The following NXPH1 variants were observed in gnomAD, a reference collection of about 807,000 sequenced individuals.
The protein encoded by NXPH1 is neurexophilin 1.
Under a neutral mutation model 23.7 loss-of-function variants are expected in NXPH1, and 5 were observed. That is an observed-to-expected ratio of 0.21 (90% CI 0.11 to 0.44). The LOEUF (loss-of-function observed/expected upper bound fraction) is 0.44, where lower values mean the gene tolerates loss of function less well. Among genes scored for constraint, NXPH1 ranks in the 20% least tolerant of loss-of-function variants. NXPH1 has a pLI of 0.99. For synonymous variants in NXPH1, 144 were observed against 122.2 expected (o/e 1.18, Z -1.18); for missense variants, 324 against 321.6 (o/e 1.01, Z -0.06).
At chr7:8,460,467 C>T (rs1260431196) in intron 2 of NXPH1, among the ~76,000 whole-genome samples, 1 of 152,162 alleles carries the variant, frequency 6.6e-6, no homozygotes, top group African/African-American at 2.4e-5. Context: ...GCCTTGATAG[C>T]AAACTTGACT....
At chr7:8,635,657 C>A (rs1820208345) in intron 2 of NXPH1, among the ~76,000 whole-genome samples, 1 of 152,180 alleles carries the variant, frequency 6.6e-6, no homozygotes. Context: ...GGTCTAAAAG[C>A]ATTTGAAATA....
In NXPH1 at chr7:8,435,987, T is replaced by C. The variant is rs1240168010; in HGVS notation, c.54+220T>C. Among the ~76,000 whole-genome samples the C allele has an allele frequency of 1.3e-5, 2 of 152,114 alleles. No individual in the cohort carries two copies. The highest frequency in any genetic ancestry group is 4.8e-5 in the African/African-American group (2 of 41,434). ...CAATCCCCCAGTCTCCTGCGCGTGA[T>C]TCTTGAAAGGGGCTAGGGCGCCCCA... On this transcript the variant is annotated intron_variant, in intron 2 of 2. Coordinates refer to ENST00000405863, the MANE Select transcript of NXPH1 (RefSeq NM_152745.3). This position sits in a 1 kb window ranked among gnomAD's most constrained non-coding sequence, Gnocchi z 5.9.
intron 2 of NXPH1, among the ~76,000 whole-genome samples, chr7:8,685,793 CG>C (rs952182280): frequency 2.1e-4 from 31 of 149,436 alleles, no homozygotes; most frequent in African/African-American, 7.7e-4. Context: ...GAGGGAATGG[CG>C]GGGGGAAGTG....
intron 2 of NXPH1, among the ~76,000 whole-genome samples, chr7:8,722,616 C>G (rs547850827): frequency 5.9e-5 from 9 of 152,312 alleles, no homozygotes; most frequent in African/African-American, 2.2e-4. Flanking sequence ...AAAATTAAAA[C>G]TTGCCAGCAA....
intron 2 of NXPH1, among the ~76,000 whole-genome samples, chr7:8,451,110 CTT>C (rs5882168): frequency 7.2e-6 from 1 of 139,458 alleles, no homozygotes; most frequent in Non-Finnish European, 1.6e-5. Context: ...AGGGATCTAG[CTT>C]TTTTTTTTTT....
At chr7:8,615,968 TA>T (rs990770627) in intron 2 of NXPH1, among the ~76,000 whole-genome samples, 1 of 152,108 alleles carries the variant, frequency 6.6e-6, no homozygotes, top group African/African-American at 2.4e-5. Context: ...TTTTTGCCGT[TA>T]TCTTCTTAAA....
intron 2 of NXPH1, among the ~76,000 whole-genome samples, chr7:8,554,760 A>T (rs993812348): frequency 6.6e-6 from 1 of 151,740 alleles, no homozygotes; most frequent in African/African-American, 2.4e-5. Context: ...CTTTGCTTGA[A>T]ATAATACAGC....
At chr7:8,615,019 TA>T (rs1313798652) in intron 2 of NXPH1, among the ~76,000 whole-genome samples, 1 of 152,086 alleles carries the variant, frequency 6.6e-6, no homozygotes, top group East Asian at 1.9e-4. Flanking sequence ...CTTCTACTGT[TA>T]GTTGGCTCTG....
At chr7:8,662,382 G>A (rs1186777847) in intron 2 of NXPH1, among the ~76,000 whole-genome samples, 2 of 141,458 alleles carry the variant, frequency 1.4e-5, no homozygotes, top group Non-Finnish European at 3.1e-5. Context: ...GTTCATAAAT[G>A]TCAGAACAGG....
chr7:8,493,420 C>G (rs1220122623), intron 2 of NXPH1, among the ~76,000 whole-genome samples: 1 of 152,002 alleles, frequency 6.6e-6, no homozygotes, highest in Non-Finnish European at 1.5e-5. Context: ...CTGCCTTATG[C>G]TTTGACTTTG....
At chr7:8,499,182 A>G (rs1033991599) in intron 2 of NXPH1, among the ~76,000 whole-genome samples, 5 of 152,036 alleles carry the variant, frequency 3.3e-5, no homozygotes, top group African/African-American at 1.2e-4. Context: ...GCAGGAAAGG[A>G]TGATCCTTAA....
At chr7:8,467,122 G>C (rs1816799245) in intron 2 of NXPH1, among the ~76,000 whole-genome samples, 1 of 152,118 alleles carries the variant, frequency 6.6e-6, no homozygotes, top group Non-Finnish European at 1.5e-5. Flanking sequence ...ATGAATCTTG[G>C]AAAGTCTTCC....
chr7:8,729,240 C>G (rs1363152715), intron 2 of NXPH1, among the ~76,000 whole-genome samples: 7 of 147,728 alleles, frequency 4.7e-5, no homozygotes, highest in Non-Finnish European at 7.4e-5. Context: ...TTTTTTCTTT[C>G]TTAGTCTTGC....
chr7:8,713,348 T>A (rs1411612687), intron 2 of NXPH1, among the ~76,000 whole-genome samples: 7 of 152,182 alleles, frequency 4.6e-5, no homozygotes, highest in African/African-American at 1.7e-4. Context: ...CCGAATTCCT[T>A]CTCTGTGTTA....
chr7:8,714,348 C>T (rs1779844205), intron 2 of NXPH1, among the ~76,000 whole-genome samples: 1 of 151,856 alleles, frequency 6.6e-6, no homozygotes, highest in African/African-American at 2.4e-5. Flanking sequence ...GTATGCTTCC[C>T]TCTGGCCCAG....
At chr7:8,614,372 C>T (rs996213819) in intron 2 of NXPH1, among the ~76,000 whole-genome samples, 2 of 151,754 alleles carry the variant, frequency 1.3e-5, no homozygotes, top group African/African-American at 4.8e-5. Context: ...GTTTACATTC[C>T]TACTGGCTGT....
chr7:8,635,593 G>T (rs1820207368), intron 2 of NXPH1, among the ~76,000 whole-genome samples: 1 of 152,194 alleles, frequency 6.6e-6, no homozygotes, highest in African/African-American at 2.4e-5. Context: ...GTTAGATAGA[G>T]AACCATCACT....
At chr7:8,480,485 T>C (rs1304482937) in intron 2 of NXPH1, among the ~76,000 whole-genome samples, 1 of 152,198 alleles carries the variant, frequency 6.6e-6, no homozygotes, top group African/African-American at 2.4e-5. Flanking sequence ...GAATCCAGAA[T>C]TATTCTGCAC....
chr7:8,678,177 G>A (rs1218052343), intron 2 of NXPH1, among the ~76,000 whole-genome samples: 1 of 152,128 alleles, frequency 6.6e-6, no homozygotes. Flanking sequence ...TAGGTCGCTA[G>A]TACACTAGTA....
Sources: gnomAD v4.1 joint callset for allele counts (sites outside exome capture counted in the v4.1 genomes callset) on GRCh38, gnomAD v4.1.1 for gene constraint, Gnocchi (gnomAD v3.1) non-coding constraint, MANE v1.5 for transcripts, NCBI Gene and HGNC (gene_info 2026-07-23, HGNC 2026-07-21) for gene names.